The following LUC7L variants were observed in gnomAD, a reference collection of about 807,000 sequenced individuals.
The protein encoded by LUC7L is putative RNA-binding protein Luc7-like 1.
In LUC7L, 29 loss-of-function variants were observed where a neutral mutation model predicts 51.1. The ratio of observed to expected loss-of-function variants is 0.57; its 90% CI spans 0.42 to 0.77. The LOEUF is 0.77. Ranked by LOEUF, LUC7L falls within the 30% of genes least tolerant of loss-of-function variation. The probability of loss-of-function intolerance (pLI) is 0.00; values close to 1 mark genes in which losing one functional copy is unlikely to be tolerated. For synonymous variants in LUC7L, 181 were observed against 180.7 expected (o/e 1.00, Z -0.01); for missense variants, 403 against 511.9 (o/e 0.79, Z 2.05).
Position 190,095 on chromosome 16 carries a change from T to G in LUC7L, c.847A>C (p.Thr283Pro), listed in dbSNP as rs766518674. ...RDRRRRRSRSTSRERRKLSRS... is the reference protein window; with the variant it reads ...RDRRRRRSRSPSRERRKLSRS... ...GACAATTTCCGTCGCTCTCGGGAGGTAGATCTTGACCGCCTCCGACGCCGA... is the reference window on the plus strand; with the variant it reads ...GACAATTTCCGTCGCTCTCGGGAGGGAGATCTTGACCGCCTCCGACGCCGA... Residue 283 changes from threonine to proline, a missense_variant, in exon 9 of 10, where the codon ACC becomes CCC. Physicochemically the swap from Thr to Pro is conservative, Grantham distance 38. Coordinates refer to ENST00000293872, the MANE Select transcript of LUC7L (RefSeq NM_201412.3). 1 of 1,612,372 alleles carries G rather than the reference T, an allele frequency of 6.2e-7. No individual in the cohort carries two copies. The highest frequency in any genetic ancestry group is 8.5e-7 in the Non-Finnish European group (1 of 1,179,904).
In LUC7L at chr16:207,076, G is replaced by A. The variant is rs1018107429; in HGVS notation, c.367-929C>T. Among the ~76,000 whole-genome samples the A allele has an allele frequency of 8.6e-5, 13 of 151,746 alleles. 1 individual carries two copies. Among genetic ancestry groups the A allele is most frequent in the Admixed American group, 8.6e-4 (13 of 15,194 alleles). ...TAGCTGGGCGTGGTGGTGGGCACCT[G>A]TAGTCCCAGCTACTCAGGAGGCTGA... On this transcript the variant is annotated intron_variant, in intron 4 of 9. Transcript: ENST00000293872.
intron 1 of LUC7L, chr16:228,454 A>T: frequency 8.0e-7 from 1 of 1,255,814 alleles, no homozygotes; most frequent in Non-Finnish European, 1.0e-6. Flanking sequence ...ATGAAATAAA[A>T]ATATGGGAAG....
At chr16:224,856 A>G (rs977595339) in intron 2 of LUC7L, among the ~76,000 whole-genome samples, 4 of 152,030 alleles carry the variant, frequency 2.6e-5, no homozygotes. Flanking sequence ...CACATGAAGC[A>G]AAATTCAGCA....
intron 1 of LUC7L, chr16:228,824 T>C (rs931973223): frequency 5.4e-6 from 7 of 1,292,978 alleles, no homozygotes; most frequent in African/African-American, 1.5e-5. Context: ...CCCCTTGCAA[T>C]GGTACAGAAC....
rs1455821936 is a variant in LUC7L, at chr16:220,585, TTTC to T, written c.255+61_255+63del. The T allele has an allele frequency of 4.1e-6, 5 of 1,220,862 alleles. No homozygotes were observed. In the African/African-American group the frequency reaches 4.5e-5, roughly 11 times the overall value. The allele number at this position is 1,220,862 out of a possible 1,614,324, so 75.6% of individuals were successfully genotyped here. On this transcript the variant is annotated intron_variant, in intron 3 of 9. Coordinates refer to ENST00000293872, the MANE Select transcript of LUC7L (RefSeq NM_201412.3). The stretch of plus-strand genomic sequence containing the variant: ...CTTCATAACTTACGTATGTTACATT[TTTC>T]TTGTTAGTTCAATATTGGGTTCTTC...
chr16:229,238 T>G (rs1270976710), intron 1 of LUC7L, 41 bp downstream of exon 1: 2 of 1,521,172 alleles, frequency 1.3e-6, no homozygotes, highest in Admixed American at 4.0e-5. Context: ...CTCGCCTCAC[T>G]CCCACCCCAG....
chr16:197,400 A>G (rs895239415), intron 6 of LUC7L, among the ~76,000 whole-genome samples: 2 of 151,272 alleles, frequency 1.3e-5, no homozygotes, highest in African/African-American at 4.9e-5. Context: ...TTTAGTAAAG[A>G]CGGGGTTTCA....
chr16:221,186 ATTTTTTTTTTT>A (rs372906826), intron 2 of LUC7L, among the ~76,000 whole-genome samples: 1,934 of 101,264 alleles, frequency 0.019, 33 homozygotes, highest in African/African-American at 0.065. Context: ...CACCCAGCTA[ATTTTTTTTTTT>A]TTTTTTTTTT....
intron 5 of LUC7L, among the ~76,000 whole-genome samples, chr16:205,157 T>G (rs2049447024): frequency 6.6e-6 from 1 of 152,192 alleles, no homozygotes; most frequent in South Asian, 2.1e-4. Context: ...TGCTGTCATG[T>G]ATGGTCTGTA....
intron 5 of LUC7L, among the ~76,000 whole-genome samples, chr16:200,445 G>A (rs1596616903): frequency 6.6e-6 from 1 of 151,162 alleles, no homozygotes; most frequent in East Asian, 1.9e-4. Context: ...CCAGATGGTG[G>A]CAGGCATCTG....
intron 3 of LUC7L, chr16:208,542 A>AG (rs1555454720): frequency 3.6e-6 from 3 of 827,732 alleles, no homozygotes; most frequent in Non-Finnish European, 4.5e-6. Flanking sequence ...GGCTGAGCCT[A>AG]GACTCGTGCT....
At chr16:193,317 T>A (rs2049060616) in intron 6 of LUC7L, among the ~76,000 whole-genome samples, 1 of 151,640 alleles carries the variant, frequency 6.6e-6, no homozygotes, top group Non-Finnish European at 1.5e-5. Context: ...CAACTAATTT[T>A]TGTATTTTTA....
At chr16:222,189 C>CCTCT (rs1352014783) in intron 2 of LUC7L, among the ~76,000 whole-genome samples, 1 of 150,340 alleles carries the variant, frequency 6.7e-6, no homozygotes, top group Admixed American at 6.6e-5. Context: ...ACACCTTCTG[C>CCTCT]CTCTCGCCAT....
At chr16:215,686 C>T (rs111428176) in intron 3 of LUC7L, among the ~76,000 whole-genome samples, 4 of 151,610 alleles carry the variant, frequency 2.6e-5, no homozygotes, top group African/African-American at 9.7e-5. Flanking sequence ...ACCTGTAGTC[C>T]CAGCTACTCA....
At chr16:209,950 T>G (rs992886901) in intron 3 of LUC7L, among the ~76,000 whole-genome samples, 3 of 152,240 alleles carry the variant, frequency 2.0e-5, no homozygotes, top group African/African-American at 7.2e-5. Flanking sequence ...GCATCACTGA[T>G]GAAGGCTGAC....
Position 208,161 on chromosome 16 carries a change from C to T in LUC7L, c.283G>A (p.Ala95Thr). ...AGCTCAGTTCTCCGATCACATTCAG[C>T]AATAAAGGACTCCAAGTGATCCATT... ...DAMDHLESFI[A>T]ECDRRTELAK... Residue 95 changes from alanine (A) to threonine (T), a missense_variant, in exon 4 of 10, where the codon GCT becomes ACT. Physicochemically the swap from Ala to Thr is moderately conservative, Grantham distance 58 (BLOSUM62 0). Coordinates refer to ENST00000293872, the MANE Select transcript of LUC7L (RefSeq NM_201412.3). The T allele has an allele frequency of 6.2e-7, 1 of 1,613,472 alleles. No homozygotes were observed. The highest frequency in any genetic ancestry group is 8.5e-7 in the Non-Finnish European group (1 of 1,179,676).
intron 1 of LUC7L, chr16:228,818 T>C (rs1767724319): frequency 1.5e-6 from 2 of 1,292,064 alleles, no homozygotes; most frequent in East Asian, 5.5e-5. Context: ...ACGGTTCCCC[T>C]TGCAATGGTA....
rs372906826 is a variant in LUC7L at position 221,186 on chromosome 16, A to ATTTTTTTTTTT, written c.157-450_157-440dup. Among the ~76,000 whole-genome samples the ATTTTTTTTTTT allele has an allele frequency of 1.6e-3, 164 of 101,232 alleles. 2 individuals are homozygous for ATTTTTTTTTTT. The highest frequency in any genetic ancestry group is 3.8e-3 in the East Asian group (11 of 2,924). 66.4% of individuals were successfully genotyped at this position (101,232 alleles called of 152,430 possible). A position where few individuals can be genotyped will look rare whatever the true frequency, so the allele number is the denominator to read the frequency against. ...AGGCACGTGATACCACACCCAGCTAATTTTTTTTTTTTTTTTTTTTTTTTT... is the reference window on the plus strand; with the variant it reads ...AGGCACGTGATACCACACCCAGCTAATTTTTTTTTTTTTTTTTTTTTTTTTTTTTTTTTTTT... On this transcript the variant is annotated intron_variant, in intron 2 of 9. Transcript: ENST00000293872.
At chr16:227,518 G>A (rs1465962677) in intron 1 of LUC7L, 182 bp from the exon 2 acceptor site, 4 of 1,427,288 alleles carry the variant, frequency 2.8e-6, no homozygotes, top group East Asian at 2.6e-5. Context: ...TTTTTTTGAG[G>A]CTAGTTATAT....
Sources: allele counts gnomAD v4.1 joint callset (sites outside exome capture counted in the v4.1 genomes callset), GRCh38; gene constraint gnomAD v4.1.1; transcripts MANE v1.5; gene names NCBI Gene and HGNC (gene_info 2026-07-23, HGNC 2026-07-21).